Variants in PKD2L2 observed in about 807,000 individuals in gnomAD.
PKD2L2 encodes polycystin-2-like protein 2.
PKD2L2 carries 67 observed loss-of-function variants against 83.9 expected under a neutral mutation model. The observed-to-expected ratio is 0.80, with a 90% CI of 0.66 to 0.98. The LOEUF is 0.98. Among genes scored for constraint, PKD2L2 ranks in the 50% least tolerant of loss-of-function variants. The pLI, the probability that PKD2L2 is intolerant of heterozygous loss-of-function variation, is 0.00. For missense variants in PKD2L2, 632 were observed against 717.2 expected (o/e 0.88, Z 1.36); for synonymous variants, 223 against 237.8 (o/e 0.94, Z 0.57).
intron 9 of PKD2L2, among the ~76,000 whole-genome samples, chr5:137,922,597 G>A (rs181067288): frequency 3.9e-4 from 60 of 152,048 alleles, no homozygotes; most frequent in Admixed American, 4.6e-4. Context: ...AATTAGCTAG[G>A]CGTGGTGATG....
chr5:137,912,023 T>C (rs1484390626), intron 8 of PKD2L2, among the ~76,000 whole-genome samples: 1 of 152,252 alleles, frequency 6.6e-6, no homozygotes, highest in Non-Finnish European at 1.5e-5. Flanking sequence ...CCATTGTTTA[T>C]ATATGCCACA....
intron 8 of PKD2L2, among the ~76,000 whole-genome samples, chr5:137,910,185 C>G (rs1757696438): frequency 6.6e-6 from 1 of 151,090 alleles, no homozygotes. Flanking sequence ...ATGATCACAC[C>G]ACTGCACTCC....
chr5:137,891,912 C>G (rs1354006484), intron 2 of PKD2L2, among the ~76,000 whole-genome samples: 1 of 152,136 alleles, frequency 6.6e-6, no homozygotes, highest in Non-Finnish European at 1.5e-5. Flanking sequence ...TCTCGAACTC[C>G]TGATCTCAGG....
intron 8 of PKD2L2, among the ~76,000 whole-genome samples, chr5:137,918,158 GTTC>G (rs1758552707): frequency 6.6e-6 from 1 of 152,150 alleles, no homozygotes; most frequent in South Asian, 2.1e-4. Context: ...GCCATTTTTT[GTTC>G]TTATTTTTTA....
rs201671086 is a variant in PKD2L2 at position 137,890,586 on chromosome 5, A to C, written c.133+4A>C. ...TTTTTAATAAACCTATGTATATGTAAGTACACAGATATAAAGATGCTGTTT... is the reference window on the plus strand; with the variant it reads ...TTTTTAATAAACCTATGTATATGTACGTACACAGATATAAAGATGCTGTTT... On this transcript the variant is annotated splice_donor_region_variant and intron_variant, in intron 2 of 14. Coordinates refer to ENST00000508883, the MANE Select transcript of PKD2L2 (RefSeq NM_001300921.2). The C allele has an allele frequency of 1.0e-5, 12 of 1,163,706 alleles. No homozygotes were observed. Among genetic ancestry groups the C allele is most frequent in the Non-Finnish European group, 1.2e-5 (10 of 802,260 alleles). The allele number at this position is 1,163,706 out of a possible 1,614,324, so 72.1% of individuals were successfully genotyped here. A position where few individuals can be genotyped will look rare whatever the true frequency, so the allele number is the denominator to read the frequency against.
chr5:137,942,563 A>G lies in PKD2L2; in HGVS notation c.*197A>G. 1 of 298,012 alleles carries G rather than the reference A, an allele frequency of 3.4e-6. No homozygotes were observed. Among genetic ancestry groups the G allele is most frequent in the South Asian group, 4.8e-5 (1 of 20,926 alleles). The allele number at this position is 298,012 out of a possible 1,614,324, so 18.5% of individuals were successfully genotyped here. A position where few individuals can be genotyped will look rare whatever the true frequency, so the allele number is the denominator to read the frequency against. On this transcript the variant is annotated 3_prime_UTR_variant, in exon 15 of 15. Coordinates refer to ENST00000508883, the MANE Select transcript of PKD2L2 (RefSeq NM_001300921.2). ...ATTTTTATACAGTCTGGGTCCCACTATATTGCCCAGGCTGGTCTTGAACTC... is the reference window on the plus strand; with the variant it reads ...ATTTTTATACAGTCTGGGTCCCACTGTATTGCCCAGGCTGGTCTTGAACTC...
intron 5 of PKD2L2, 102 bp downstream of exon 5, chr5:137,899,839 A>G (rs1756802999): frequency 1.8e-6 from 1 of 556,562 alleles, no homozygotes; most frequent in Non-Finnish European, 3.2e-6. Flanking sequence ...TGAACTGCAC[A>G]GGTCCACTTA....
chr5:137,930,664 TAA>T (rs554720958), intron 12 of PKD2L2, among the ~76,000 whole-genome samples: 21 of 84,654 alleles, frequency 2.5e-4, no homozygotes, highest in Non-Finnish European at 2.6e-4. Context: ...AGACTCCATC[TAA>T]AAAAAAAAAA....
rs1418248506 is a variant in PKD2L2, at chr5:137,894,687, C to A, written c.524+78C>A. On this transcript the variant is annotated intron_variant, in intron 4 of 14. Coordinates refer to ENST00000508883, the MANE Select transcript of PKD2L2 (RefSeq NM_001300921.2). ...TTTTAGATATGTGTCTTCCAAGTAACACCAGCTGGGTCCTGGAAGGGTAAG... is the reference window on the plus strand; with the variant it reads ...TTTTAGATATGTGTCTTCCAAGTAAAACCAGCTGGGTCCTGGAAGGGTAAG... 3 of 1,133,510 alleles carry A rather than the reference C, an allele frequency of 2.6e-6. No homozygotes were observed. The Admixed American group carries it at 6.2e-5, about 23-fold the overall frequency. The allele number at this position is 1,133,510 out of a possible 1,614,324, so 70.2% of individuals were successfully genotyped here.
intron 8 of PKD2L2, 52 bp downstream of exon 8, chr5:137,908,998 A>T (rs753251472): frequency 1.7e-6 from 2 of 1,148,052 alleles, no homozygotes; most frequent in Admixed American, 4.7e-5. Context: ...CTTACAAAAA[A>T]AATTGGAAAG....
intron 12 of PKD2L2, 74 bp from the exon 13 acceptor site, chr5:137,935,723 G>A (rs1760272618): frequency 2.6e-5 from 21 of 793,786 alleles, no homozygotes; most frequent in Middle Eastern, 2.3e-4. Context: ...CCTCAATCCT[G>A]TGATGCTTGT....
At chr5:137,941,934 C>G in intron 14 of PKD2L2, 1 of 1,607,032 alleles carries the variant, frequency 6.2e-7, no homozygotes. Context: ...TTTTGTGATG[C>G]TCAACAAACC....
intron 8 of PKD2L2, among the ~76,000 whole-genome samples, chr5:137,917,273 T>C (rs913842444): frequency 2.6e-5 from 4 of 151,412 alleles, no homozygotes; most frequent in African/African-American, 7.3e-5. Flanking sequence ...CAAGCAATTC[T>C]CCTGTCTCAG....
At chr5:137,936,273 G>C (rs1581008092) in intron 13 of PKD2L2, 47 bp from the exon 14 acceptor site, 6 of 1,483,930 alleles carry the variant, frequency 4.0e-6, no homozygotes, top group South Asian at 3.6e-5. Flanking sequence ...GTCTATACAT[G>C]AAAGTTTATT....
At chr5:137,920,292 C>A (rs1758774550) in intron 8 of PKD2L2, among the ~76,000 whole-genome samples, 1 of 152,030 alleles carries the variant, frequency 6.6e-6, no homozygotes. Flanking sequence ...GAGACCACTG[C>A]AAGTTAATAA....
intron 14 of PKD2L2, chr5:137,939,186 CGTT>C (rs1437605421): frequency 6.6e-6 from 1 of 151,304 alleles, no homozygotes; most frequent in Non-Finnish European, 1.5e-5. Context: ...GCGTTGTTGT[CGTT>C]GTTTTGGTAT....
intron 5 of PKD2L2, among the ~76,000 whole-genome samples, chr5:137,904,477 A>G (rs2150016267): frequency 6.6e-6 from 1 of 152,358 alleles, no homozygotes; most frequent in East Asian, 1.9e-4. Context: ...AGGGACATGG[A>G]TGGAGCTGGA....
intron 14 of PKD2L2, among the ~76,000 whole-genome samples, chr5:137,941,144 G>A (rs1473467089): frequency 6.6e-6 from 1 of 151,940 alleles, no homozygotes; most frequent in Non-Finnish European, 1.5e-5. Flanking sequence ...TCCTGACCTC[G>A]TGATCCACCC....
chr5:137,931,569 A>C (rs1471375736), intron 12 of PKD2L2, among the ~76,000 whole-genome samples: 1 of 152,238 alleles, frequency 6.6e-6, no homozygotes, highest in African/African-American at 2.4e-5. Context: ...GCATTAAAAA[A>C]GGAAAACTGC....
Sources: allele counts gnomAD v4.1 joint callset (sites outside exome capture counted in the v4.1 genomes callset), GRCh38; gene constraint gnomAD v4.1.1; transcripts MANE v1.5; gene names NCBI Gene and HGNC (gene_info 2026-07-23, HGNC 2026-07-21).